PTPRD: variants seen among roughly 807,000 people sequenced by gnomAD.
PTPRD encodes receptor-type tyrosine-protein phosphatase delta.
PTPRD carries 34 observed loss-of-function variants against 214.5 expected under a neutral mutation model. The ratio of observed to expected loss-of-function variants is 0.16; its 90% confidence interval spans 0.12 to 0.21. The LOEUF is 0.21. Ranked by LOEUF, PTPRD falls within the 10% of genes least tolerant of loss-of-function variation. The pLI, the probability that PTPRD is intolerant of heterozygous loss-of-function variation, is 1.00. For missense variants in PTPRD, 2,545 were observed against 2,398.7 expected, an observed-to-expected ratio of 1.06 and a Z score of -1.27; for synonymous variants, 1,128 against 845.7, an observed-to-expected ratio of 1.33 and a Z score of -5.79.
intron 6 of PTPRD, among the ~76,000 whole-genome samples, chr9:9,755,203 T>C (rs2098556691): frequency 1.3e-5 from 2 of 151,986 alleles, no homozygotes; most frequent in Non-Finnish European, 2.9e-5. Context: ...GAGTACAGAC[T>C]GCAGAAGATC....
At chr9:10,047,312 C>CGTGTGTGTGTGTGTGTGTGTG (rs1316571345) in intron 3 of PTPRD, among the ~76,000 whole-genome samples, 64 of 138,808 alleles carry the variant, frequency 4.6e-4, no homozygotes, top group Admixed American at 2.3e-3. Context: ...AATCAACTAA[C>CGTGTGTGTGTGTGTGTGTGTG]TGTGTGTGTG....
chr9:9,651,527 G>A (rs1594247854), intron 7 of PTPRD, among the ~76,000 whole-genome samples: 1 of 152,022 alleles, frequency 6.6e-6, no homozygotes. Context: ...AGTTTGCTAA[G>A]GATAATGACC....
chr9:8,528,513 A>T, intron 15 of PTPRD, 78 bp downstream of exon 15: 1 of 1,249,270 alleles, frequency 8.0e-7, no homozygotes, highest in Non-Finnish European at 1.1e-6. Context: ...AAAATAAATT[A>T]AAATTAAAAA....
intron 2 of PTPRD, among the ~76,000 whole-genome samples, chr9:10,591,601 C>T (rs1012127763): frequency 2.0e-5 from 3 of 151,486 alleles, no homozygotes; most frequent in Non-Finnish European, 4.4e-5. Flanking sequence ...AAACAGAAAA[C>T]GAGGTCACAC....
At chr9:8,563,007 G>T (rs1429644048) in intron 14 of PTPRD, among the ~76,000 whole-genome samples, 1 of 151,974 alleles carries the variant, frequency 6.6e-6, no homozygotes, top group Non-Finnish European at 1.5e-5. Flanking sequence ...CAGATGAGTA[G>T]ATAAATAAAC....
At chr9:10,371,651 T>A (rs2097622343) in intron 2 of PTPRD, among the ~76,000 whole-genome samples, 1 of 151,996 alleles carries the variant, frequency 6.6e-6, no homozygotes. Context: ...ACTACTCCAT[T>A]TTGGTGGAGA....
At chr9:9,850,291 C>G (rs1015130242) in intron 5 of PTPRD, among the ~76,000 whole-genome samples, 1 of 152,104 alleles carries the variant, frequency 6.6e-6, no homozygotes, top group African/African-American at 2.4e-5. Context: ...AGAAGTCATG[C>G]TGGAGACAGG....
chr9:9,184,196 T>C (rs1393640633), intron 9 of PTPRD, among the ~76,000 whole-genome samples: 1 of 152,020 alleles, frequency 6.6e-6, no homozygotes, highest in Non-Finnish European at 1.5e-5. Flanking sequence ...TCCTAGATGC[T>C]CCAACAAGCT....
In PTPRD at chr9:8,633,358, A is replaced by G. The variant is rs2154320408; in HGVS notation, c.311T>C (p.Val104Ala). The change falls in exon 14 of 46, where the codon GTG becomes GCG. Residue 104 changes from valine to alanine, a missense_variant. Coordinates refer to ENST00000381196, the MANE Select transcript of PTPRD (RefSeq NM_002839.4). ...AIYECVASNN[V>A]GEISVSTRLT... is the part of the protein sequence containing the mutation. ...TCTGGTGGATACACTTATTTCTCCC[A>G]CATTATTTGAGGCCACACATTCATA... 6.2e-7 allele frequency: 1 copy of G among 1,612,736 alleles called. No homozygotes were observed. Among genetic ancestry groups the G allele is most frequent in the Middle Eastern group, 1.7e-4 (1 of 6,050 alleles).
intron 7 of PTPRD, among the ~76,000 whole-genome samples, chr9:9,662,147 C>A (rs527968947): frequency 3.6e-4 from 54 of 151,792 alleles, no homozygotes; most frequent in African/African-American, 1.3e-3. Flanking sequence ...TCTTAACACT[C>A]CATACAGTTA....
chr9:8,498,423 G>T (rs572893979), intron 25 of PTPRD, among the ~76,000 whole-genome samples: 1 of 152,142 alleles, frequency 6.6e-6, no homozygotes, highest in East Asian at 1.9e-4. Context: ...CCACACAGGC[G>T]TGTGCCGCCA....
rs139178796 is a variant in PTPRD at position 8,964,407 on chromosome 9, CTGT to C, written c.-104+54287_-104+54289del. On this transcript the variant is annotated intron_variant, in intron 11 of 45. Transcript: ENST00000381196. ...TTCTGTGGGATCAGTTGTAATGTCA[CTGT>C]TGTTGTTTCTGATTGTGCTTATTTA... 5.6e-3 allele frequency among the ~76,000 whole-genome samples: 845 copies of C among 151,688 alleles called. 15 individuals carry two copies. Among genetic ancestry groups the C allele is most frequent in the African/African-American group, 0.02 (818 of 41,372 alleles).
At chr9:10,247,301 A>T (rs1564770149) in intron 3 of PTPRD, among the ~76,000 whole-genome samples, 1 of 152,154 alleles carries the variant, frequency 6.6e-6, no homozygotes, top group Non-Finnish European at 1.5e-5. Context: ...AATGATTAAG[A>T]TCCATGTTTC....
chr9:9,292,682 T>C (rs536377190), intron 9 of PTPRD, among the ~76,000 whole-genome samples: 1 of 151,538 alleles, frequency 6.6e-6, no homozygotes, highest in African/African-American at 2.4e-5. Flanking sequence ...GTTCCAGGAT[T>C]CCATCCAAGA....
intron 11 of PTPRD, among the ~76,000 whole-genome samples, chr9:8,751,978 T>G (rs1208740605): frequency 6.6e-6 from 1 of 152,130 alleles, no homozygotes; most frequent in Non-Finnish European, 1.5e-5. Flanking sequence ...AAAGCAACGT[T>G]GTGTGCGTCT....
chr9:10,427,202 A>G (rs1370629095), intron 2 of PTPRD, among the ~76,000 whole-genome samples: 1 of 152,088 alleles, frequency 6.6e-6, no homozygotes, highest in Non-Finnish European at 1.5e-5. Context: ...ACAGGTGGCC[A>G]TGCTTTTGGC....
chr9:9,800,158 T>C (rs984597415), intron 5 of PTPRD, among the ~76,000 whole-genome samples: 1 of 152,190 alleles, frequency 6.6e-6, no homozygotes, highest in South Asian at 2.1e-4. Flanking sequence ...GGGATTATCT[T>C]AATGCCCATT....
At chr9:10,384,427 A>G (rs1302752336) in intron 2 of PTPRD, among the ~76,000 whole-genome samples, 1 of 151,730 alleles carries the variant, frequency 6.6e-6, no homozygotes, top group African/African-American at 2.4e-5. Flanking sequence ...CTATATGATC[A>G]AAAATAATAA....
At chr9:9,274,450 C>T (rs1240262610) in intron 9 of PTPRD, among the ~76,000 whole-genome samples, 1 of 151,314 alleles carries the variant, frequency 6.6e-6, no homozygotes, top group Non-Finnish European at 1.5e-5. Flanking sequence ...GATTATGCTA[C>T]AACCAAGATG....
Sources: gnomAD v4.1 joint callset for allele counts (sites outside exome capture counted in the v4.1 genomes callset) on GRCh38, gnomAD v4.1.1 for gene constraint, MANE v1.5 for transcripts, NCBI Gene and HGNC (gene_info 2026-07-23, HGNC 2026-07-21) for gene names.